SF1: variants seen among roughly 807,000 people sequenced by gnomAD.
SF1 encodes splicing factor 1.
A neutral mutation model predicts 62.5 loss-of-function variants in SF1; 7 were observed. The ratio of observed to expected loss-of-function variants is 0.11; its 90% confidence interval spans 0.06 to 0.21. SF1 has a LOEUF of 0.21. Ranked by LOEUF, SF1 falls within the 10% of genes least tolerant of loss-of-function variation. The pLI, the probability that SF1 is intolerant of heterozygous loss-of-function variation, is 1.00. For synonymous variants in SF1, 394 were observed against 323.6 expected, an observed-to-expected ratio of 1.22 and a Z score of -2.33; for missense variants, 578 against 884.0, an observed-to-expected ratio of 0.65 and a Z score of 4.39.
intron 2 of SF1, 43 bp downstream of exon 2, chr11:64,776,455 G>C (rs530657239): frequency 1.1e-4 from 177 of 1,558,268 alleles, no homozygotes; most frequent in Non-Finnish European, 1.4e-4. Context: ...AGAATAAATC[G>C]TAACAATCTC....
At position 64,769,999 on chromosome 11, in the gene SF1, T is replaced by C. The variant is rs1400580353; in HGVS notation, c.444A>G (p.Pro148=). ...DKVMIPQDEY[P]EINFVGLLIG... Reference sequence around the variant, plus strand: ...TGAGCAGCCCCACAAAGTTGATTTCTGGGTACTCATCTTGTGGAATCATGA... The same window carrying C: ...TGAGCAGCCCCACAAAGTTGATTTCCGGGTACTCATCTTGTGGAATCATGA... The change falls in exon 5 of 13, where the codon CCA becomes CCG. Residue 148 remains proline (P), a synonymous_variant. Coordinates refer to ENST00000377390, the MANE Select transcript of SF1 (RefSeq NM_004630.4). 6.2e-7 allele frequency: 1 copy of C among 1,614,144 alleles called. No homozygotes were observed. Among genetic ancestry groups the C allele is most frequent in the East Asian group, 2.2e-5 (1 of 44,894 alleles).
intron 2 of SF1, chr11:64,776,149 G>C (rs182483110): frequency 4.0e-6 from 1 of 247,558 alleles, no homozygotes; most frequent in Non-Finnish European, 8.1e-6. Context: ...CAGTACCTGC[G>C]GTGTTCTCCA....
At chr11:64,766,619 C>T (rs1021596480) in intron 12 of SF1, 4 of 426,720 alleles carry the variant, frequency 9.4e-6, no homozygotes, top group Non-Finnish European at 1.7e-5. Context: ...CAGCCGCTCA[C>T]TCAGCCTGCG....
chr11:64,765,205 A>C lies in SF1; in HGVS notation c.*613T>G. On this transcript the variant is annotated 3_prime_UTR_variant, in exon 13 of 13. Transcript: ENST00000377390. ...ACCATTTGCTCCCCTCTCCTTGGTA[A>C]GGGAAGGAGAACTGGAGAGAAGGGA... The C allele has an allele frequency of 2.5e-6, 1 of 402,286 alleles. No homozygotes were observed. Among genetic ancestry groups the C allele is most frequent in the Non-Finnish European group, 4.5e-6 (1 of 223,412 alleles). The allele number at this position is 402,286 out of a possible 1,614,324, so 24.9% of individuals were successfully genotyped here.
At position 64,778,088 on chromosome 11, in the gene SF1, G is replaced by A. The variant is rs949138526; in HGVS notation, c.31+274C>T. On this transcript the variant is annotated intron_variant, in intron 1 of 12. Coordinates refer to ENST00000377390, the MANE Select transcript of SF1 (RefSeq NM_004630.4). ...GCGCTGGTAGAGCGGCGGCGGAGGG[G>A]GCGGCTGCGGCGGCGGGTACGAGGC... The A allele has an allele frequency of 1.7e-4, 162 of 937,754 alleles. No homozygotes were observed. Among genetic ancestry groups the A allele is most frequent in the Middle Eastern group, 9.9e-4 (2 of 2,016 alleles). 58.1% of individuals were successfully genotyped at this position (937,754 alleles called of 1,614,324 possible).
chr11:64,767,676 T>C lies in SF1; in HGVS notation c.1237A>G (p.Met413Val). Residue 413 changes from methionine (M) to valine (V), a missense_variant, in exon 10 of 13, where the codon ATG becomes GTG. By Grantham distance (21) the Met-to-Val change is conservative. Transcript: ENST00000377390. The stretch of plus-strand genomic sequence containing the variant: ...GGGGGTCCATTGGGGTTGTGCTGCA[T>C]GGGATGTCCACCATGCCCACCTGTC... ...SLTGGHGGHP[M>V]QHNPNGPPPP... The C allele has an allele frequency of 6.2e-7, 1 of 1,609,262 alleles. No homozygotes were observed. The highest frequency in any genetic ancestry group is 8.5e-7 in the Non-Finnish European group (1 of 1,177,778).
chr11:64,771,621 C>T, intron 3 of SF1: 4 of 985,370 alleles, frequency 4.1e-6, no homozygotes, highest in Non-Finnish European at 4.8e-6. Flanking sequence ...GGCTAAATGA[C>T]ACCTCCGTTT....
At chr11:64,770,433 C>T in intron 3 of SF1, 25 bp from the exon 4 acceptor site, 2 of 1,602,544 alleles carry the variant, frequency 1.2e-6, no homozygotes, top group Non-Finnish European at 8.5e-7. Context: ...CTCCCGTTTA[C>T]TATTCTGCAC....
chr11:64,768,920 G>A, intron 8 of SF1, 102 bp downstream of exon 8: 1 of 830,182 alleles, frequency 1.2e-6, no homozygotes, highest in Admixed American at 1.7e-5. Flanking sequence ...CTAACAGAAA[G>A]GATGTTTCTC....
intron 2 of SF1, among the ~76,000 whole-genome samples, chr11:64,775,393 A>T (rs1180822987): frequency 1.3e-5 from 2 of 152,228 alleles, no homozygotes; most frequent in Admixed American, 6.5e-5. Flanking sequence ...TTTCACAAGG[A>T]TGTAAAGACC....
Position 64,769,462 on chromosome 11 carries a change from G to A in SF1, c.627C>T (p.Ala209=), listed in dbSNP as rs1460686572. 3 of 1,614,008 alleles carry A rather than the reference G, an allele frequency of 1.9e-6. No individual in the cohort carries two copies. The highest frequency in any genetic ancestry group is 3.3e-5 in the Admixed American group (2 of 59,992). Residue 209 remains alanine, a synonymous_variant, in exon 6 of 13, where the codon GCC becomes GCT. Transcript: ENST00000377390. ...EDEPLHALVT[A]NTMENVKKAV... ...CCTTTTTGACGTTCTCCATTGTATT[G>A]GCAGTAACCAGGGCATGAAGTGGCT...
intron 9 of SF1, 35 bp from the exon 10 acceptor site, chr11:64,767,879 T>C (rs1223073013): frequency 1.9e-6 from 3 of 1,600,708 alleles, no homozygotes; most frequent in Non-Finnish European, 2.6e-6. Context: ...CGTCCCTGCC[T>C]GCGCCTCCTA....
At chr11:64,772,774 A>T in intron 3 of SF1, 3 of 985,288 alleles carry the variant, frequency 3.0e-6, no homozygotes, top group Non-Finnish European at 3.6e-6. Context: ...ACATGACCAC[A>T]GCTGTTTGAG....
In SF1 at chr11:64,778,368, G is replaced by T. The variant is rs1939762568; in HGVS notation, c.25C>A (p.Pro9Thr). The T allele has an allele frequency of 1.6e-6, 2 of 1,228,128 alleles. No individual in the cohort carries two copies. The highest frequency in any genetic ancestry group is 2.0e-6 in the Non-Finnish European group (2 of 984,600). 76.1% of individuals were successfully genotyped at this position (1,228,128 alleles called of 1,614,324 possible). MATGANAT[P>T]LDFPSKKRKR... ...CCGGGGGGGCCCAGCTTACCCAACG[G>T]CGTGGCGTTCGCTCCGGTCGCCATG... The change falls in exon 1 of 13, where the codon CCG becomes ACG. Residue 9 changes from proline (P) to threonine (T), a missense_variant. By Grantham distance (38) the Pro-to-Thr change is conservative (BLOSUM62 -1). Transcript: ENST00000377390.
intron 1 of SF1, 144 bp downstream of exon 1, chr11:64,778,218 G>A (rs941724589): frequency 9.5e-6 from 11 of 1,154,664 alleles, no homozygotes; most frequent in Middle Eastern, 3.4e-4. Context: ...GCCGCGGTCA[G>A]GGCCCCCATC....
intron 12 of SF1, 41 bp downstream of exon 12, chr11:64,766,859 C>CCCAA: frequency 1.7e-6 from 1 of 604,400 alleles, no homozygotes; most frequent in Non-Finnish European, 2.9e-6. Context: ...AGCCCCACCC[C>CCCAA]CATCCCACCC....
intron 7 of SF1, 24 bp downstream of exon 7, chr11:64,769,199 C>G: frequency 1.2e-6 from 2 of 1,611,516 alleles, no homozygotes; most frequent in Non-Finnish European, 1.7e-6. Context: ...GGTCTCTACA[C>G]TCTCCTTTAA....
intron 2 of SF1, among the ~76,000 whole-genome samples, chr11:64,775,758 G>A (rs1939119034): frequency 6.6e-6 from 1 of 152,084 alleles, no homozygotes. Flanking sequence ...TTCCAAAAAA[G>A]CAATTTTGAG....
chr11:64,767,121 C>CG (rs1304260636), intron 11 of SF1, 42 bp from the exon 12 acceptor site: 1 of 1,610,898 alleles, frequency 6.2e-7, no homozygotes, highest in Non-Finnish European at 8.5e-7. Context: ...CAGGGAAAGG[C>CG]GGGGACTTGG....
Sources: allele counts gnomAD v4.1 joint callset (sites outside exome capture counted in the v4.1 genomes callset), GRCh38; gene constraint gnomAD v4.1.1; transcripts MANE v1.5; gene names NCBI Gene and HGNC (gene_info 2026-07-23, HGNC 2026-07-21).